AGBL4: variants seen among roughly 807,000 people sequenced by gnomAD.
The protein encoded by AGBL4 is AGBL carboxypeptidase 4, also known as cytosolic carboxypeptidase 6.
AGBL4 carries 58 observed loss-of-function variants against 66.4 expected under a neutral mutation model. The ratio of observed to expected loss-of-function variants is 0.87; its 90% CI spans 0.71 to 1.09. AGBL4 has a LOEUF of 1.09. AGBL4 is among the 50% of genes least tolerant of loss of function. The probability of loss-of-function intolerance (pLI) is 0.00; values close to 1 mark genes in which losing one functional copy is unlikely to be tolerated. For synonymous variants in AGBL4, 234 were observed against 222.9 expected (o/e 1.05, Z -0.44); for missense variants, 579 against 631.0 (o/e 0.92, Z 0.88).
In AGBL4 at chr1:49,388,533, T is replaced by C. The variant is rs1218465019; in HGVS notation, c.283-142669A>G. Among the ~76,000 whole-genome samples, 9 of 152,290 alleles carry C rather than the reference T, an allele frequency of 5.9e-5. 1 individual carries two copies. The highest frequency in any genetic ancestry group is 1.7e-4 in the African/African-American group (7 of 41,586). Reference sequence around the variant, plus strand: ...AGAGAAGCAGAGACATGGTTAGACCTGTTCAAGATCATACAGTAGTAAATG... The same window carrying C: ...AGAGAAGCAGAGACATGGTTAGACCCGTTCAAGATCATACAGTAGTAAATG... On this transcript the variant is annotated intron_variant, in intron 3 of 13. Coordinates refer to ENST00000371839, the MANE Select transcript of AGBL4 (RefSeq NM_032785.4).
chr1:48,525,949 A>G, the AGBL4 span, among the ~76,000 whole-genome samples: 1 of 152,020 alleles, frequency 6.6e-6, no homozygotes, highest in South Asian at 2.1e-4. Flanking sequence ...CCTTTGCACC[A>G]CTCCATCCTA....
chr1:48,870,358 C>A (rs1424935846), intron 5 of AGBL4, among the ~76,000 whole-genome samples: 1 of 152,072 alleles, frequency 6.6e-6, no homozygotes, highest in Non-Finnish European at 1.5e-5. Context: ...GCCTTTCTCA[C>A]TGATCCTACT....
intron 3 of AGBL4, among the ~76,000 whole-genome samples, chr1:49,336,127 A>C (rs1451718293): frequency 6.6e-6 from 1 of 152,180 alleles, no homozygotes; most frequent in Non-Finnish European, 1.5e-5. Context: ...GTTTATTTCC[A>C]GTCCAAGTCT....
intron 9 of AGBL4, among the ~76,000 whole-genome samples, chr1:48,616,771 A>T (rs569233303): frequency 1.2e-3 from 184 of 152,358 alleles, no homozygotes; most frequent in African/African-American, 4.3e-3. Context: ...TCTCCTTCAC[A>T]AAAGTCATAA....
rs187594051 is a variant in AGBL4, at chr1:49,034,492, C to T, written c.594+11092G>A. ...CAGGTCTTGTCCTGTTAAACACTTG[C>T]ATTCCTGACTTAAATTAATACTTTA... On this transcript the variant is annotated intron_variant, in intron 5 of 13. Coordinates refer to ENST00000371839, the MANE Select transcript of AGBL4 (RefSeq NM_032785.4). Among the ~76,000 whole-genome samples, 21 of 152,202 alleles carry T rather than the reference C, an allele frequency of 1.4e-4. No homozygotes were observed. In the East Asian group the frequency reaches 4.1e-3, roughly 29 times the overall value.
chr1:48,829,898 T>C (rs889708492), intron 6 of AGBL4, among the ~76,000 whole-genome samples: 1 of 152,220 alleles, frequency 6.6e-6, no homozygotes, highest in Admixed American at 6.6e-5. Flanking sequence ...CATAAAACTA[T>C]TAACATGTGG....
chr1:49,672,736 C>T (rs764249842), intron 3 of AGBL4, among the ~76,000 whole-genome samples: 2 of 151,650 alleles, frequency 1.3e-5, no homozygotes, highest in Non-Finnish European at 2.9e-5. Context: ...GCCCGGCCAA[C>T]ATAGTGAAAC....
At chr1:49,613,940 T>C (rs1459154176) in intron 3 of AGBL4, among the ~76,000 whole-genome samples, 3 of 152,160 alleles carry the variant, frequency 2.0e-5, no homozygotes, top group African/African-American at 7.2e-5. Context: ...AAAAGAATAT[T>C]AGAATCACAG....
At chr1:48,721,838 T>C (rs1021410365) in intron 6 of AGBL4, among the ~76,000 whole-genome samples, 1 of 152,198 alleles carries the variant, frequency 6.6e-6, no homozygotes, top group Non-Finnish European at 1.5e-5. Context: ...CAGGCCTGGA[T>C]TGGGCCCCAG....
rs370504657 is a variant in AGBL4, at chr1:48,948,139, T to C, written c.595-80909A>G. On this transcript the variant is annotated intron_variant, in intron 5 of 13. Transcript: ENST00000371839. ...GATCATCTCTTTTCACTTACAAATG[T>C]ACAAAGGGATACCTAGAAAGGGCAA... Among the ~76,000 whole-genome samples the C allele has an allele frequency of 1.1e-4, 16 of 152,242 alleles. No homozygotes were observed. The East Asian group carries it at 2.7e-3, about 26-fold the overall frequency.
rs570670500 is a variant in AGBL4, at chr1:49,052,380, G to A, written c.378-6580C>T. Among the ~76,000 whole-genome samples, 46 of 152,262 alleles carry A rather than the reference G, an allele frequency of 3.0e-4. 2 individuals carry two copies. The highest frequency in any genetic ancestry group is 1.8e-3 in the Admixed American group (28 of 15,280). ...TCTATCTTCTCCAATCCAGATTCCT[G>A]ACAGGCAGCAAGAAGAGAAGACTGA... On this transcript the variant is annotated intron_variant, in intron 4 of 13. Coordinates refer to ENST00000371839, the MANE Select transcript of AGBL4 (RefSeq NM_032785.4).
At chr1:49,500,371 T>G (rs935928909) in intron 3 of AGBL4, among the ~76,000 whole-genome samples, 1 of 151,442 alleles carries the variant, frequency 6.6e-6, no homozygotes, top group East Asian at 1.9e-4. Flanking sequence ...AGAAGCTTTT[T>G]ATTTTTAGTT....
chr1:49,335,778 A>T (rs1404441636), intron 3 of AGBL4, among the ~76,000 whole-genome samples: 2 of 152,056 alleles, frequency 1.3e-5, no homozygotes, highest in Non-Finnish European at 2.9e-5. Context: ...GCCCCCCAAA[A>T]TGCTGGGATT....
At chr1:49,905,641 TGATTAA>T (rs1650200372) in intron 1 of AGBL4, among the ~76,000 whole-genome samples, 1 of 152,148 alleles carries the variant, frequency 6.6e-6, no homozygotes. Flanking sequence ...CTATTCGCTG[TGATTAA>T]GAGAATCAAA....
intron 6 of AGBL4, among the ~76,000 whole-genome samples, chr1:48,701,291 C>A (rs1646796287): frequency 1.3e-5 from 2 of 152,324 alleles, no homozygotes; most frequent in Admixed American, 6.5e-5. Flanking sequence ...CAGGAGAACA[C>A]CCACCCTGTG....
intron 3 of AGBL4, among the ~76,000 whole-genome samples, chr1:49,323,348 C>G (rs1014251224): frequency 6.6e-6 from 1 of 152,024 alleles, no homozygotes; most frequent in Non-Finnish European, 1.5e-5. Context: ...GTGGCACCAT[C>G]TCAGCTCACT....
At chr1:49,754,414 CTGTT>C (rs1341308103) in intron 2 of AGBL4, among the ~76,000 whole-genome samples, 1 of 151,524 alleles carries the variant, frequency 6.6e-6, no homozygotes, top group Non-Finnish European at 1.5e-5. Flanking sequence ...CCATTGCTTT[CTGTT>C]TGTTAGTTTT....
intron 6 of AGBL4, among the ~76,000 whole-genome samples, chr1:48,770,282 A>C (rs988200921): frequency 6.6e-6 from 1 of 152,182 alleles, no homozygotes; most frequent in African/African-American, 2.4e-5. Context: ...TGTCTGACCA[A>C]TGAGTGAAAA....
chr1:49,241,917 G>A lies in AGBL4; in HGVS notation c.377+3853C>T, dbSNP rs527407281. Among the ~76,000 whole-genome samples the A allele has an allele frequency of 1.7e-3, 259 of 152,036 alleles. 1 individual carries two copies. Among genetic ancestry groups the A allele is most frequent in the African/African-American group, 5.9e-3 (243 of 41,534 alleles). The stretch of plus-strand genomic sequence containing the variant: ...GTGAGAAAACAGGATAATGAAAGAG[G>A]TAGCATGGCTCATCATGTTATTTCT... On this transcript the variant is annotated intron_variant, in intron 4 of 13. Coordinates refer to ENST00000371839, the MANE Select transcript of AGBL4 (RefSeq NM_032785.4).
Sources: allele counts gnomAD v4.1 joint callset (sites outside exome capture counted in the v4.1 genomes callset), GRCh38; gene constraint gnomAD v4.1.1; transcripts MANE v1.5; gene names NCBI Gene and HGNC (gene_info 2026-07-23, HGNC 2026-07-21).